GABRR1: variants seen among roughly 807,000 people sequenced by gnomAD.
The protein encoded by GABRR1 is gamma-aminobutyric acid type A receptor subunit rho1, also known as gamma-aminobutyric acid receptor subunit rho-1.
GABRR1 carries 59 observed loss-of-function variants against 55.5 expected under a neutral mutation model. The observed-to-expected ratio is 1.06, with a 90% CI of 0.86 to 1.32. The LOEUF is 1.32. Among genes scored for constraint, GABRR1 ranks in the 40% most tolerant of loss-of-function variants. GABRR1 has a pLI of 0.00. For synonymous variants in GABRR1, 213 were observed against 226.0 expected, an observed-to-expected ratio of 0.94 and a Z score of 0.51; for missense variants, 602 against 619.1, an observed-to-expected ratio of 0.97 and a Z score of 0.29.
In GABRR1 at chr6:89,217,355, A is replaced by T; in HGVS notation, c.-33T>A. 1 of 1,611,076 alleles carries T rather than the reference A, an allele frequency of 6.2e-7. No homozygotes were observed. ...CAAATTCAAACAGCTCTCTCCAGAA[A>T]CAGCAAAAAGGAAAAGATTGTTCTT... On this transcript the variant is annotated 5_prime_UTR_variant, in exon 1 of 10. Coordinates refer to ENST00000454853, the MANE Select transcript of GABRR1 (RefSeq NM_002042.5).
rs140893048 is a variant in GABRR1 at position 89,215,364 on chromosome 6, G to T, written c.122+1837C>A. ...GGAATACTATTCAACCTTAGAAAAA[G>T]AAATTCTGTCATTTGCAACAGCACG... is the stretch of plus-strand genomic sequence containing the variant. On this transcript the variant is annotated intron_variant, in intron 1 of 9. Transcript: ENST00000454853. Among the ~76,000 whole-genome samples the T allele has an allele frequency of 1.9e-4, 29 of 152,308 alleles. No individual in the cohort carries two copies. In the South Asian group the frequency reaches 2.1e-3, roughly 11 times the overall value.
upstream of GABRR1, among the ~76,000 whole-genome samples, chr6:89,219,274 A>G (rs1773077437): frequency 6.6e-6 from 1 of 152,226 alleles, no homozygotes; most frequent in Non-Finnish European, 1.5e-5. Flanking sequence ...TCCCAAAAAA[A>G]GAAAAGAAAA....
In GABRR1 at chr6:89,178,485, T is replaced by C; in HGVS notation, c.*285A>G. On this transcript the variant is annotated 3_prime_UTR_variant, in exon 10 of 10. Coordinates refer to ENST00000454853, the MANE Select transcript of GABRR1 (RefSeq NM_002042.5). The stretch of plus-strand genomic sequence containing the variant: ...CTAAATGTGCCCACAACACTGGTAG[T>C]GTGCTTTTCCAGGGGATCTGGGTAA... 1 of 426,706 alleles carries C rather than the reference T, an allele frequency of 2.3e-6. No individual in the cohort carries two copies. The highest frequency in any genetic ancestry group is 4.3e-6 in the Non-Finnish European group (1 of 232,640). 26.4% of individuals were successfully genotyped at this position (426,706 alleles called of 1,614,324 possible).
chr6:89,206,800 T>C (rs570710860), intron 1 of GABRR1, among the ~76,000 whole-genome samples: 56 of 151,572 alleles, frequency 3.7e-4, no homozygotes, highest in African/African-American at 1.1e-3. Context: ...AAAAAAATTG[T>C]AGTGAAGGGG....
chr6:89,217,468 G>A, upstream of GABRR1: 1 of 853,696 alleles, frequency 1.2e-6, no homozygotes. Context: ...GATGCAATCT[G>A]GAGAGCAGGA....
intron 1 of GABRR1, among the ~76,000 whole-genome samples, chr6:89,225,791 G>A (rs1459578026): frequency 1.6e-5 from 2 of 125,396 alleles, no homozygotes; most frequent in African/African-American, 6.5e-5. Flanking sequence ...GTAATGGGAT[G>A]GCTGGGTCAA....
rs41273309 is a variant in GABRR1 at position 89,178,580 on chromosome 6, T to C, written c.*190A>G. Reference sequence around the variant, plus strand: ...AATATAATGCTGTGTATTCAATAGATGGTTAATAAGTGCAAATTAAACCAG... The same window carrying C: ...AATATAATGCTGTGTATTCAATAGACGGTTAATAAGTGCAAATTAAACCAG... On this transcript the variant is annotated 3_prime_UTR_variant, in exon 10 of 10. Transcript: ENST00000454853. The C allele has an allele frequency of 0.012, 7,401 of 600,410 alleles. 91 individuals carry two copies. Among genetic ancestry groups the C allele is most frequent in the Non-Finnish European group, 0.014 (4,691 of 340,378 alleles). 37.2% of individuals were successfully genotyped at this position (600,410 alleles called of 1,614,324 possible). A position where few individuals can be genotyped will look rare whatever the true frequency, so the allele number is the denominator to read the frequency against.
In GABRR1 at chr6:89,180,276, C is replaced by T. The variant is rs755154913; in HGVS notation, c.1146+16G>A. 1.6e-5 allele frequency: 25 copies of T among 1,611,396 alleles called. No homozygotes were observed. The Admixed American group carries it at 1.9e-4, about 12-fold the overall frequency. ...TTCCATCCTGACCAGACACTATAAGCGCATGGCAAAGTCACCTTCTCCCGC... is the reference window on the plus strand; with the variant it reads ...TTCCATCCTGACCAGACACTATAAGTGCATGGCAAAGTCACCTTCTCCCGC... On this transcript the variant is annotated intron_variant, in intron 9 of 9. Coordinates refer to ENST00000454853, the MANE Select transcript of GABRR1 (RefSeq NM_002042.5).
intron 1 of GABRR1, among the ~76,000 whole-genome samples, chr6:89,216,248 G>A (rs1366600386): frequency 6.6e-6 from 1 of 152,214 alleles, no homozygotes; most frequent in Non-Finnish European, 1.5e-5. Context: ...ACACTGAGGT[G>A]CTAGACACAG....
chr6:89,219,695 A>G (rs979411437), upstream of GABRR1, among the ~76,000 whole-genome samples: 3 of 152,214 alleles, frequency 2.0e-5, no homozygotes, highest in Non-Finnish European at 4.4e-5. Flanking sequence ...ACACGTAGCA[A>G]ACTGATAGTA....
chr6:89,230,871 G>A (rs543609972), intron 1 of GABRR1, among the ~76,000 whole-genome samples: 2,637 of 149,694 alleles, frequency 0.018, 43 homozygotes, highest in Middle Eastern at 0.031. Context: ...CCTCGCTGCC[G>A]CCTTGCAGTT....
At chr6:89,195,796 G>C (rs1772249182) in intron 5 of GABRR1, among the ~76,000 whole-genome samples, 1 of 152,142 alleles carries the variant, frequency 6.6e-6, no homozygotes, top group African/African-American at 2.4e-5. Context: ...CTGCATAATG[G>C]TGTGCTGCCA....
At chr6:89,213,560 G>T (rs1029058) in intron 1 of GABRR1, among the ~76,000 whole-genome samples, 79,356 of 152,054 alleles carry the variant, frequency 0.52, 21,116 homozygotes, top group Middle Eastern at 0.6. Context: ...AAATACAGAA[G>T]ATTTGTAATA....
chr6:89,208,017 C>T (rs566643319), intron 1 of GABRR1, among the ~76,000 whole-genome samples: 2 of 152,346 alleles, frequency 1.3e-5, no homozygotes, highest in East Asian at 1.9e-4. Flanking sequence ...GGCTTCGAAA[C>T]CTTTCAAGTC....
At chr6:89,207,351 T>C (rs1257991795) in intron 1 of GABRR1, among the ~76,000 whole-genome samples, 2 of 152,020 alleles carry the variant, frequency 1.3e-5, no homozygotes, top group East Asian at 1.9e-4. Context: ...TGTGCCACCA[T>C]GCCAAGCTAA....
chr6:89,217,582 C>T (rs931610371), upstream of GABRR1: 2 of 355,956 alleles, frequency 5.6e-6, no homozygotes, highest in Non-Finnish European at 5.1e-6. Context: ...TTATTTTAGC[C>T]GGTCTAAATT....
chr6:89,229,253 G>T lies in GABRR1; in HGVS notation c.-411+1963C>A, dbSNP rs975194265. The stretch of plus-strand genomic sequence containing the variant: ...TGTGTCTTTTAATTGGAGCATTTAG[G>T]CCATTTACATTTAAAGTTAATATTG... On this transcript the variant is annotated intron_variant, in intron 1 of 11. Transcript: ENST00000369451. Among the ~76,000 whole-genome samples the T allele has an allele frequency of 4.5e-3, 678 of 151,372 alleles. 6 individuals are homozygous for T. The highest frequency in any genetic ancestry group is 0.014 in the Middle Eastern group (4 of 288).
chr6:89,195,103 A>G (rs1479336451), intron 5 of GABRR1, among the ~76,000 whole-genome samples: 6 of 152,196 alleles, frequency 3.9e-5, no homozygotes, highest in Admixed American at 2.6e-4. Context: ...TCCATCTGAA[A>G]GGTCAAGAAC....
intron 1 of GABRR1, among the ~76,000 whole-genome samples, chr6:89,226,058 G>A (rs927043552): frequency 1.3e-5 from 2 of 151,942 alleles, no homozygotes; most frequent in African/African-American, 2.4e-5. Context: ...CTGCATAAAT[G>A]TCTTCTTTTG....
Sources: gnomAD v4.1 joint callset for allele counts (sites outside exome capture counted in the v4.1 genomes callset) on GRCh38, gnomAD v4.1.1 for gene constraint, MANE v1.5 for transcripts, NCBI Gene and HGNC (gene_info 2026-07-23, HGNC 2026-07-21) for gene names.